The following WDR47 variants were observed in gnomAD, a reference collection of about 807,000 sequenced individuals.
The protein encoded by WDR47 is WD repeat-containing protein 47.
In WDR47, 32 loss-of-function variants were observed where a neutral mutation model predicts 97.2. That is an observed-to-expected ratio of 0.33 (90% CI 0.25 to 0.44). WDR47 has a LOEUF of 0.44. Ranked by LOEUF, WDR47 falls within the 20% of genes least tolerant of loss-of-function variation. The pLI, the probability that WDR47 is intolerant of heterozygous loss-of-function variation, is 1.00. For synonymous variants in WDR47, 375 were observed against 373.5 expected (o/e 1.00, Z -0.05); for missense variants, 782 against 1,102.3 (o/e 0.71, Z 4.11).
chr1:108,975,466 C>T (rs957991772), intron 13 of WDR47, among the ~76,000 whole-genome samples: 1 of 151,606 alleles, frequency 6.6e-6, no homozygotes, highest in Non-Finnish European at 1.5e-5. Context: ...ACTAAAAATA[C>T]AAAAGTTAGC....
At position 108,971,392 on chromosome 1, in the gene WDR47, T is replaced by A; in HGVS notation, c.*38A>T. 6.2e-7 allele frequency: 1 copy of A among 1,612,576 alleles called. No homozygotes were observed. ...TTTCACAACTCAGTAGTCTTAAGTC[T>A]CTGTGCTTTTGCTGCATAGACTGAC... On this transcript the variant is annotated 3_prime_UTR_variant, in exon 15 of 15. Coordinates refer to ENST00000369962, the MANE Select transcript of WDR47 (RefSeq NM_001142551.2).
chr1:109,020,422 G>A (rs1407215555), intron 2 of WDR47, among the ~76,000 whole-genome samples: 1 of 151,724 alleles, frequency 6.6e-6, no homozygotes, highest in Non-Finnish European at 1.5e-5. Context: ...CACCACGCCT[G>A]GCTAATTTTT....
At chr1:109,000,819 T>C (rs1408041055) in intron 7 of WDR47, among the ~76,000 whole-genome samples, 1 of 152,262 alleles carries the variant, frequency 6.6e-6, no homozygotes, top group African/African-American at 2.4e-5. Context: ...TATTGTTGAA[T>C]CAAGTGAAGA....
At chr1:109,030,054 C>T in intron 1 of WDR47, 1 of 537,228 alleles carries the variant, frequency 1.9e-6, no homozygotes, top group Non-Finnish European at 3.1e-6. Flanking sequence ...GACGACCTAC[C>T]CACAGGAGAA....
At chr1:109,008,762 C>T (rs1382293113) in intron 5 of WDR47, among the ~76,000 whole-genome samples, 1 of 151,936 alleles carries the variant, frequency 6.6e-6, no homozygotes, top group Non-Finnish European at 1.5e-5. Context: ...CCCGTGCCAC[C>T]ACACCCAACT....
At chr1:108,986,794 G>T in intron 9 of WDR47, 114 bp from the exon 10 acceptor site, 3 of 865,476 alleles carry the variant, frequency 3.5e-6, no homozygotes, top group Non-Finnish European at 5.2e-6. Context: ...ATCATGTTAG[G>T]TTTACTGCCA....
chr1:109,039,210 T>C (rs764163070), intron 1 of WDR47, among the ~76,000 whole-genome samples: 7 of 152,032 alleles, frequency 4.6e-5, no homozygotes, highest in East Asian at 1.9e-4. Flanking sequence ...AATAAGACTA[T>C]AGAACACAAA....
At chr1:109,021,045 C>T (rs2101988124) in intron 2 of WDR47, among the ~76,000 whole-genome samples, 1 of 152,224 alleles carries the variant, frequency 6.6e-6, no homozygotes, top group African/African-American at 2.4e-5. Context: ...AGAATCTGTA[C>T]TTCTTGTCAA....
chr1:109,028,362 G>GTTTTTTTTTTTTTTTTT (rs372929187), intron 1 of WDR47, among the ~76,000 whole-genome samples: 41 of 79,798 alleles, frequency 5.1e-4, no homozygotes, highest in South Asian at 1.1e-3. Context: ...TTTTTGTTGG[G>GTTTTTTTTTTTTTTTTT]TTTTTTTTTT....
intron 8 of WDR47, among the ~76,000 whole-genome samples, chr1:108,993,111 G>A (rs1235168408): frequency 6.6e-6 from 1 of 152,032 alleles, no homozygotes; most frequent in Non-Finnish European, 1.5e-5. Context: ...AAAGAATGAG[G>A]AATCAACCAG....
intron 2 of WDR47, among the ~76,000 whole-genome samples, chr1:109,019,763 A>G (rs1469925063): frequency 6.6e-6 from 1 of 152,220 alleles, no homozygotes; most frequent in Non-Finnish European, 1.5e-5. Context: ...AGCAAGGAAT[A>G]AGAACAAGTT....
At chr1:109,037,590 G>A (rs1391033459) in intron 1 of WDR47, among the ~76,000 whole-genome samples, 2 of 139,924 alleles carry the variant, frequency 1.4e-5, no homozygotes, top group Non-Finnish European at 1.5e-5. Flanking sequence ...TCGCACCACT[G>A]CACTCCAGCC....
At chr1:108,981,072 G>T (rs1571142707) in intron 13 of WDR47, among the ~76,000 whole-genome samples, 1 of 150,760 alleles carries the variant, frequency 6.6e-6, no homozygotes, top group African/African-American at 2.4e-5. Context: ...AGCTTGCAGT[G>T]AGCCAAGATC....
At chr1:109,004,863 T>C (rs1257186364) in intron 5 of WDR47, 148 bp from the exon 6 acceptor site, 1 of 1,011,022 alleles carries the variant, frequency 9.9e-7, no homozygotes, top group Non-Finnish European at 1.3e-6. Flanking sequence ...CAATCTCCGC[T>C]CACTGCAACC....
chr1:109,026,114 A>G (rs983735637), intron 1 of WDR47, among the ~76,000 whole-genome samples: 1 of 151,708 alleles, frequency 6.6e-6, no homozygotes, highest in African/African-American at 2.4e-5. Flanking sequence ...TTGCATGACC[A>G]TGGCCCACTG....
At chr1:109,030,904 T>C (rs1405802755) in intron 1 of WDR47, among the ~76,000 whole-genome samples, 2 of 139,440 alleles carry the variant, frequency 1.4e-5, no homozygotes, top group Non-Finnish European at 3.2e-5. Flanking sequence ...CACTAACCTC[T>C]ATGGGCCTCA....
chr1:108,981,355 A>G (rs1175644239), intron 13 of WDR47, among the ~76,000 whole-genome samples: 1 of 152,194 alleles, frequency 6.6e-6, no homozygotes, highest in Admixed American at 6.5e-5. Context: ...TAAATAAGAA[A>G]TTGGTCCTTT....
intron 2 of WDR47, among the ~76,000 whole-genome samples, chr1:109,018,491 C>T (rs923453284): frequency 6.6e-6 from 1 of 150,496 alleles, no homozygotes; most frequent in African/African-American, 2.4e-5. Flanking sequence ...CCATATTCAT[C>T]TTACAGTTTT....
At chr1:109,010,312 T>C (rs1402423363) in intron 5 of WDR47, among the ~76,000 whole-genome samples, 4 of 152,162 alleles carry the variant, frequency 2.6e-5, no homozygotes, top group Non-Finnish European at 5.9e-5. Flanking sequence ...ATCCCAGAAC[T>C]TTGGGAGGCC....
Sources: gnomAD v4.1 joint callset for allele counts (sites outside exome capture counted in the v4.1 genomes callset) on GRCh38, gnomAD v4.1.1 for gene constraint, MANE v1.5 for transcripts, NCBI Gene and HGNC (gene_info 2026-07-23, HGNC 2026-07-21) for gene names.